The following TMED8 variants were observed in gnomAD, a reference collection of about 807,000 sequenced individuals.
The protein encoded by TMED8 is transmembrane p24 trafficking protein family member 8.
TMED8 carries 15 observed loss-of-function variants against 32.7 expected under a neutral mutation model. That is an observed-to-expected ratio of 0.46 (90% CI 0.31 to 0.71). TMED8 has a LOEUF of 0.71. Among genes scored for constraint, TMED8 ranks in the 30% least tolerant of loss-of-function variants. TMED8 has a pLI of 0.06. For missense variants in TMED8, 390 were observed against 423.9 expected, an observed-to-expected ratio of 0.92 and a Z score of 0.70; for synonymous variants, 147 against 161.4, an observed-to-expected ratio of 0.91 and a Z score of 0.68.
intron 2 of TMED8, among the ~76,000 whole-genome samples, chr14:77,348,828 G>T (rs181214935): frequency 3.3e-5 from 5 of 152,248 alleles, no homozygotes; most frequent in African/African-American, 1.2e-4. Flanking sequence ...CCTACCTCAG[G>T]ACAGACAAGA....
chr14:77,362,092 A>G (rs1054747203), intron 1 of TMED8, among the ~76,000 whole-genome samples: 2 of 152,134 alleles, frequency 1.3e-5, no homozygotes, highest in Non-Finnish European at 2.9e-5. Context: ...GATATCATTT[A>G]TTAATTCTAA....
At chr14:77,366,860 C>G (rs543701793) in intron 1 of TMED8, among the ~76,000 whole-genome samples, 2 of 152,162 alleles carry the variant, frequency 1.3e-5, no homozygotes, top group African/African-American at 4.8e-5. Flanking sequence ...CCAAGATGAC[C>G]AGCAAATACG....
chr14:77,369,418 G>A (rs961322197), intron 1 of TMED8, among the ~76,000 whole-genome samples: 1 of 152,186 alleles, frequency 6.6e-6, no homozygotes, highest in African/African-American at 2.4e-5. Flanking sequence ...AGCTGTTTCT[G>A]AAGCTGAGTT....
At position 77,343,188 on chromosome 14, in the gene TMED8, T is replaced by G; in HGVS notation, c.750A>C (p.Glu250Asp). The change falls in exon 5 of 6, where the codon GAA becomes GAC. Residue 250 changes from glutamate to aspartate, a missense_variant. By Grantham distance (45) the Glu-to-Asp change is conservative. Transcript: ENST00000216468. ...TAAAATTAAATTTACCTTCAATCTC[T>G]TCCTCCTCTTCCTCTTCTTCATCCT... is the stretch of plus-strand genomic sequence containing the variant. ...DDEDEEEEEE[E>D]EIEEPVPAGD... 6.2e-7 allele frequency: 1 copy of G among 1,612,946 alleles called. No homozygotes were observed. Among genetic ancestry groups the G allele is most frequent in the South Asian group, 1.1e-5 (1 of 91,066 alleles).
chr14:77,363,633 G>A (rs1236841046), intron 1 of TMED8, among the ~76,000 whole-genome samples: 3 of 152,000 alleles, frequency 2.0e-5, no homozygotes, highest in African/African-American at 2.4e-5. Flanking sequence ...CAGCCTGGGT[G>A]ACAGAGTCAG....
rs915160431 is a variant in TMED8 at position 77,337,048 on chromosome 14, A to G, written c.*4723T>C. ...TACATATTATAATGGGACAATATAC[A>G]CTTTTTTAAAAGTCTGAGTTTTTCT... On this transcript the variant is annotated 3_prime_UTR_variant, in exon 6 of 6. Transcript: ENST00000216468. The G allele has an allele frequency of 6.6e-6, 1 of 152,198 alleles. No individual in the cohort carries two copies. The highest frequency in any genetic ancestry group is 2.4e-5 in the African/African-American group (1 of 41,448). 9.4% of individuals were successfully genotyped at this position (152,198 alleles called of 1,614,324 possible).
intron 3 of TMED8, among the ~76,000 whole-genome samples, chr14:77,346,127 T>A (rs749489377): frequency 2.6e-4 from 40 of 152,186 alleles, no homozygotes; most frequent in Non-Finnish European, 5.3e-4. Context: ...CACTTCGTTT[T>A]CTGAATCGGT....
chr14:77,366,547 A>G (rs1288769108), intron 1 of TMED8, among the ~76,000 whole-genome samples: 2 of 152,224 alleles, frequency 1.3e-5, no homozygotes, highest in African/African-American at 4.8e-5. Flanking sequence ...GACAGCCAGA[A>G]TTAACTTATA....
At chr14:77,373,456 C>G (rs1893744651) in intron 1 of TMED8, among the ~76,000 whole-genome samples, 1 of 152,088 alleles carries the variant, frequency 6.6e-6, no homozygotes, top group African/African-American at 2.4e-5. Flanking sequence ...AAAACAATTA[C>G]AATGCATAAA....
In TMED8 at chr14:77,338,208, C is replaced by CA. The variant is rs1892811083; in HGVS notation, c.*3562dup. On this transcript the variant is annotated 3_prime_UTR_variant, in exon 6 of 6. Coordinates refer to ENST00000216468, the MANE Select transcript of TMED8 (RefSeq NM_213601.3). ...ACTCTGGTATAGCATCACATGACAGCAGGCCCCAAAGGAAATTTACCCCCC... is the reference window on the plus strand; with the variant it reads ...ACTCTGGTATAGCATCACATGACAGCAAGGCCCCAAAGGAAATTTACCCCCC... 6.6e-6 allele frequency: 1 copy of CA among 152,146 alleles called. No individual in the cohort carries two copies. The highest frequency in any genetic ancestry group is 1.5e-5 in the Non-Finnish European group (1 of 68,036). The allele number at this position is 152,146 out of a possible 1,614,324, so 9.4% of individuals were successfully genotyped here. A position where few individuals can be genotyped will look rare whatever the true frequency, so the allele number is the denominator to read the frequency against.
intron 1 of TMED8, among the ~76,000 whole-genome samples, chr14:77,360,610 G>A (rs1001302259): frequency 6.6e-6 from 1 of 152,096 alleles, no homozygotes; most frequent in African/African-American, 2.4e-5. Context: ...TCTGTCAACG[G>A]ACACATAGAT....
At chr14:77,357,646 G>A (rs1893321632) in intron 1 of TMED8, among the ~76,000 whole-genome samples, 1 of 152,184 alleles carries the variant, frequency 6.6e-6, no homozygotes, top group Admixed American at 6.5e-5. Flanking sequence ...CATATTTTAT[G>A]TGCTTCAAGT....
chr14:77,343,478 G>C lies in TMED8; in HGVS notation c.460C>G (p.Pro154Ala). Residue 154 changes from proline to alanine, a missense_variant, in exon 5 of 6, where the codon CCA (proline) becomes GCA (alanine). Pro to Ala is a conservative substitution (Grantham distance 27). Transcript: ENST00000216468. ...DLLGDHRKVS[P>A]PLMAPPCIWT... ...ATGCATGGAGGAGCCATCAGAGGTG[G>C]GGAGACTGAAAGGACAAGCAGCTTA... is the stretch of plus-strand genomic sequence containing the variant. The C allele has an allele frequency of 6.2e-7, 1 of 1,613,112 alleles. No homozygotes were observed. Among genetic ancestry groups the C allele is most frequent in the Non-Finnish European group, 8.5e-7 (1 of 1,179,574 alleles).
chr14:77,349,479 GC>G (rs1043222779), intron 2 of TMED8, among the ~76,000 whole-genome samples: 4 of 152,028 alleles, frequency 2.6e-5, no homozygotes, highest in African/African-American at 4.8e-5. Flanking sequence ...GGTCCCTCCA[GC>G]CACAACAGCC....
intron 1 of TMED8, among the ~76,000 whole-genome samples, chr14:77,367,978 G>A (rs985043750): frequency 1.3e-5 from 2 of 152,310 alleles, no homozygotes; most frequent in Admixed American, 1.3e-4. Flanking sequence ...ACAGGCATGG[G>A]CCACCGCACC....
intron 1 of TMED8, among the ~76,000 whole-genome samples, chr14:77,370,427 G>C (rs1204145562): frequency 6.6e-6 from 1 of 152,082 alleles, no homozygotes; most frequent in Non-Finnish European, 1.5e-5. Context: ...AGAGAAAAAG[G>C]TCTAGAAAAT....
chr14:77,341,624 G>A lies in TMED8; in HGVS notation c.*147C>T, dbSNP rs868316598. Reference sequence around the variant, plus strand: ...GAAGCCAAGAAGGGGAAAAAGCTACGTGGGCCAACAGTCAGGCATGCCAGA... The same window carrying A: ...GAAGCCAAGAAGGGGAAAAAGCTACATGGGCCAACAGTCAGGCATGCCAGA... On this transcript the variant is annotated 3_prime_UTR_variant, in exon 6 of 6. Transcript: ENST00000216468. 1.5e-4 allele frequency: 113 copies of A among 733,220 alleles called. 5 individuals carry two copies. The highest frequency in any genetic ancestry group is 1.4e-3 in the Middle Eastern group (4 of 2,868). 45.4% of individuals were successfully genotyped at this position (733,220 alleles called of 1,614,324 possible).
chr14:77,349,791 G>T (rs1241672467), intron 2 of TMED8, among the ~76,000 whole-genome samples: 1 of 152,094 alleles, frequency 6.6e-6, no homozygotes, highest in African/African-American at 2.4e-5. Context: ...ATGCACACTG[G>T]CTTTTAGATT....
intron 1 of TMED8, among the ~76,000 whole-genome samples, chr14:77,357,415 A>G (rs1011626437): frequency 1.3e-5 from 2 of 152,206 alleles, no homozygotes; most frequent in African/African-American, 2.4e-5. Context: ...AAACTAGAAA[A>G]TGACTTTTCC....
Sources: gnomAD v4.1 joint callset for allele counts (sites outside exome capture counted in the v4.1 genomes callset) on GRCh38, gnomAD v4.1.1 for gene constraint, MANE v1.5 for transcripts, NCBI Gene and HGNC (gene_info 2026-07-23, HGNC 2026-07-21) for gene names.